The following CSMD2 variants were observed in gnomAD, a reference collection of about 807,000 sequenced individuals.
CSMD2 encodes the protein CUB and sushi domain-containing protein 2.
Under a neutral mutation model 398.5 loss-of-function variants are expected in CSMD2, and 130 were observed. The ratio of observed to expected loss-of-function variants is 0.33; its 90% confidence interval spans 0.28 to 0.38. The LOEUF (loss-of-function observed/expected upper bound fraction) is 0.38, where lower values mean the gene tolerates loss of function less well. Among genes scored for constraint, CSMD2 ranks in the 10% least tolerant of loss-of-function variants. CSMD2 has a pLI of 1.00. For synonymous variants in CSMD2, 1,828 were observed against 1,908.5 expected (o/e 0.96, Z 1.10); for missense variants, 3,829 against 4,764.9 (o/e 0.80, Z 5.78).
intron 55 of CSMD2, among the ~76,000 whole-genome samples, chr1:33,556,079 A>G (rs540278924): frequency 6.6e-6 from 1 of 152,346 alleles, no homozygotes; most frequent in South Asian, 2.1e-4. Context: ...AACCAGAATT[A>G]GAAGAGGAGC....
chr1:33,874,338 C>T (rs543000488), intron 5 of CSMD2, among the ~76,000 whole-genome samples: 13 of 152,300 alleles, frequency 8.5e-5, no homozygotes, highest in Admixed American at 2.6e-4. Flanking sequence ...GAAAAACATT[C>T]AATGAGAGCG....
intron 5 of CSMD2, chr1:33,863,214 G>A (rs936447861): frequency 6.6e-6 from 1 of 152,160 alleles, no homozygotes; most frequent in African/African-American, 2.4e-5. Flanking sequence ...GTGTCCAAAG[G>A]CCCCCAGAAT....
chr1:33,988,899 A>C, intron 3 of CSMD2, among the ~76,000 whole-genome samples: 1 of 151,438 alleles, frequency 6.6e-6, no homozygotes, highest in East Asian at 1.9e-4. Flanking sequence ...AAATATTAAC[A>C]CAAAAGGAAT....
intron 3 of CSMD2, among the ~76,000 whole-genome samples, chr1:34,012,914 G>T (rs566293455): frequency 6.6e-6 from 1 of 152,308 alleles, no homozygotes; most frequent in Admixed American, 6.5e-5. Flanking sequence ...GGATACATTT[G>T]CCTCTCCAGG....
chr1:33,725,219 G>A (rs1279538555), intron 17 of CSMD2, 130 bp downstream of exon 17: 2 of 732,924 alleles, frequency 2.7e-6, no homozygotes, highest in Non-Finnish European at 4.6e-6. Flanking sequence ...GCCTTCTGAA[G>A]GGCACAGCCT....
chr1:33,638,131 C>T (rs767847259), intron 29 of CSMD2, among the ~76,000 whole-genome samples: 2 of 152,164 alleles, frequency 1.3e-5, no homozygotes, highest in Non-Finnish European at 2.9e-5. Context: ...GGACCGACAA[C>T]ATGGCCACTC....
At chr1:33,825,645 G>T in intron 7 of CSMD2, 52 bp downstream of exon 7, 1 of 1,511,036 alleles carries the variant, frequency 6.6e-7, no homozygotes, top group Non-Finnish European at 9.2e-7. Flanking sequence ...GTGCCTGCAC[G>T]TGTGACCTCA....
chr1:34,002,045 A>T (rs917457155), intron 3 of CSMD2, among the ~76,000 whole-genome samples: 15 of 151,854 alleles, frequency 9.9e-5, no homozygotes, highest in African/African-American at 3.6e-4. Flanking sequence ...TTTTTTTTCC[A>T]TCTGTCGAAT....
At chr1:34,037,340 T>A (rs184098312) in intron 2 of CSMD2, among the ~76,000 whole-genome samples, 93 of 152,280 alleles carry the variant, frequency 6.1e-4, no homozygotes, top group Non-Finnish European at 1.1e-3. Context: ...CCTTGCTGAC[T>A]ACCAGTACCA....
intron 8 of CSMD2, 69 bp from the exon 9 acceptor site, chr1:33,819,906 G>C: frequency 6.3e-7 from 1 of 1,590,510 alleles, no homozygotes; most frequent in Non-Finnish European, 8.6e-7. Context: ...GTCCTTCCTG[G>C]TTCCACAAAG....
chr1:33,612,970 G>C (rs748871430), intron 40 of CSMD2, among the ~76,000 whole-genome samples: 7 of 152,224 alleles, frequency 4.6e-5, no homozygotes, highest in Non-Finnish European at 8.8e-5. Flanking sequence ...CCTCATATAG[G>C]AGCCCTGCGG....
At chr1:34,136,212 C>G (rs1426916061) in intron 1 of CSMD2, among the ~76,000 whole-genome samples, 1 of 152,174 alleles carries the variant, frequency 6.6e-6, no homozygotes, top group African/African-American at 2.4e-5. Flanking sequence ...TTTCACTGAA[C>G]TGGTGACTTT....
At chr1:33,804,890 T>A (rs1301818987) in intron 10 of CSMD2, 1 of 717,350 alleles carries the variant, frequency 1.4e-6, no homozygotes, top group Non-Finnish European at 2.6e-6. Flanking sequence ...TCCCTGGGTC[T>A]CCTCCCGCCT....
chr1:33,834,146 A>C, intron 6 of CSMD2, among the ~76,000 whole-genome samples: 1 of 93,660 alleles, frequency 1.1e-5, no homozygotes, highest in Non-Finnish European at 1.9e-5. Flanking sequence ...ATTGGAAAAA[A>C]CTACTTTAAA....
intron 11 of CSMD2, among the ~76,000 whole-genome samples, chr1:33,789,300 GA>G (rs1014889277): frequency 2.0e-5 from 3 of 151,916 alleles, no homozygotes; most frequent in African/African-American, 4.8e-5. Context: ...TGGGGGCGGG[GA>G]GGGGGGGATT....
At chr1:33,668,905 G>A (rs17536688) in intron 25 of CSMD2, among the ~76,000 whole-genome samples, 4,972 of 152,276 alleles carry the variant, frequency 0.033, 241 homozygotes, top group Admixed American at 0.13. Context: ...TACTGAAGGA[G>A]ACACCCAAAA....
At chr1:34,039,692 C>T (rs1651603141) in intron 2 of CSMD2, among the ~76,000 whole-genome samples, 1 of 152,166 alleles carries the variant, frequency 6.6e-6, no homozygotes, top group South Asian at 2.1e-4. Flanking sequence ...TTGTGGTTTT[C>T]CCAAGAAGGA....
At chr1:34,085,953 C>G (rs544489067) in intron 2 of CSMD2, among the ~76,000 whole-genome samples, 1 of 151,462 alleles carries the variant, frequency 6.6e-6, no homozygotes, top group Non-Finnish European at 1.5e-5. Flanking sequence ...ATGTCAATCT[C>G]CATTTCAAAA....
intron 12 of CSMD2, among the ~76,000 whole-genome samples, chr1:33,778,306 C>A (rs2149343155): frequency 6.6e-6 from 1 of 152,250 alleles, no homozygotes; most frequent in East Asian, 1.9e-4. Context: ...AGCAATCCTC[C>A]CATTTTGGCA....
Sources: allele counts gnomAD v4.1 joint callset (sites outside exome capture counted in the v4.1 genomes callset), GRCh38; gene constraint gnomAD v4.1.1; transcripts MANE v1.5; gene names NCBI Gene and HGNC (gene_info 2026-07-23, HGNC 2026-07-21).